IL1RAPL2: variants seen among roughly 807,000 people sequenced by gnomAD.
IL1RAPL2 encodes X-linked interleukin-1 receptor accessory protein-like 2.
In IL1RAPL2, 3 loss-of-function variants were observed where a neutral mutation model predicts 44.1. That is an observed-to-expected ratio of 0.07 (90% confidence interval 0.03 to 0.18). IL1RAPL2 has a LOEUF of 0.18. Ranked by LOEUF, IL1RAPL2 falls within the 10% of genes least tolerant of loss-of-function variation. IL1RAPL2 has a pLI of 1.00. For synonymous variants in IL1RAPL2, 181 were observed against 178.8 expected, an observed-to-expected ratio of 1.01 and a Z score of -0.10; for missense variants, 391 against 496.4, an observed-to-expected ratio of 0.79 and a Z score of 2.02.
chrX:105,083,368 GA>G (rs1232633168), intron 2 of IL1RAPL2, among the ~76,000 whole-genome samples: 1 of 111,684 alleles, frequency 9.0e-6, no homozygotes, highest in Non-Finnish European at 1.9e-5. Flanking sequence ...AACCAAGTTG[GA>G]AAACACTCTT....
At chrX:104,636,916 T>C (rs1252112706) in intron 1 of IL1RAPL2, among the ~76,000 whole-genome samples, 1 of 111,415 alleles carries the variant, frequency 9.0e-6, no homozygotes, top group South Asian at 3.8e-4. Context: ...TGCAGAAATC[T>C]CCCCTCTTCT....
chrX:104,910,450 T>C (rs1440438865), intron 2 of IL1RAPL2, among the ~76,000 whole-genome samples: 1 of 111,999 alleles, frequency 8.9e-6, no homozygotes, highest in Non-Finnish European at 1.9e-5. Context: ...ACACATGGCA[T>C]GGTGGCTTGC....
At chrX:105,536,238 C>T (rs1471338065) in intron 6 of IL1RAPL2, among the ~76,000 whole-genome samples, 1 of 110,387 alleles carries the variant, frequency 9.1e-6, no homozygotes, top group Non-Finnish European at 1.9e-5. Flanking sequence ...GAAAGAATGG[C>T]ATTCTGTACT....
intron 2 of IL1RAPL2, among the ~76,000 whole-genome samples, chrX:105,186,348 G>A (rs2033586796): frequency 8.9e-6 from 1 of 111,955 alleles, no homozygotes; most frequent in African/African-American, 3.2e-5. Flanking sequence ...AAACCAAGAT[G>A]CCATTTGACA....
chrX:104,671,002 C>T (rs1930588502), intron 2 of IL1RAPL2, among the ~76,000 whole-genome samples: 1 of 111,017 alleles, frequency 9.0e-6, no homozygotes, highest in Non-Finnish European at 1.9e-5. Context: ...AGGTAAAATG[C>T]CTTGTAGCAT....
At chrX:104,825,665 T>C (rs1305494295) in intron 2 of IL1RAPL2, among the ~76,000 whole-genome samples, 2 of 112,224 alleles carry the variant, frequency 1.8e-5, no homozygotes, top group African/African-American at 6.5e-5. Context: ...ACATAACTGG[T>C]GAAGTGGAGG....
intron 5 of IL1RAPL2, among the ~76,000 whole-genome samples, chrX:105,300,548 T>C (rs770323555): frequency 9.0e-6 from 1 of 111,258 alleles, no homozygotes; most frequent in South Asian, 3.9e-4. Context: ...TTCAGTATGA[T>C]TTTGGGCAGG....
At chrX:105,098,653 T>C (rs984189406) in intron 2 of IL1RAPL2, among the ~76,000 whole-genome samples, 1 of 112,153 alleles carries the variant, frequency 8.9e-6, no homozygotes, top group African/African-American at 3.2e-5. Context: ...AGCATCAGAC[T>C]GAATACAAGA....
At chrX:104,644,289 T>C (rs1366203545) in intron 1 of IL1RAPL2, among the ~76,000 whole-genome samples, 1 of 111,464 alleles carries the variant, frequency 9.0e-6, no homozygotes, top group Non-Finnish European at 1.9e-5. Context: ...TAACATTCAA[T>C]GCTAAAAAAA....
chrX:105,046,835 TTG>T (rs1569369476), intron 2 of IL1RAPL2, among the ~76,000 whole-genome samples: 1 of 101,506 alleles, frequency 9.9e-6, no homozygotes, highest in Non-Finnish European at 1.9e-5. Flanking sequence ...TTTTTTTTTT[TTG>T]GGGGGGTGCT....
chrX:104,905,783 C>G lies in IL1RAPL2; in HGVS notation c.82+246788C>G, dbSNP rs1260798248. The stretch of plus-strand genomic sequence containing the variant: ...TTTGGCTTAGGATTGACTTGGCGAT[C>G]TGGGCTCTTTTTTGGTTCCCTATGA... On this transcript the variant is annotated intron_variant, in intron 2 of 10. Transcript: ENST00000372582. Among the ~76,000 whole-genome samples, 22 of 110,997 alleles carry G rather than the reference C, an allele frequency of 2.0e-4. No individual in the cohort carries two copies. In the East Asian group the frequency reaches 3.7e-3, roughly 19 times the overall value.
intron 3 of IL1RAPL2, chrX:105,218,929 T>G (rs781991699): frequency 8.7e-7 from 1 of 1,153,519 alleles, no homozygotes; most frequent in Non-Finnish European, 1.2e-6. Flanking sequence ...GCCATCGAGA[T>G]ATACATGCTT....
At chrX:105,050,538 T>C (rs1031350020) in intron 2 of IL1RAPL2, among the ~76,000 whole-genome samples, 3 of 111,830 alleles carry the variant, frequency 2.7e-5, no homozygotes, top group Non-Finnish European at 5.6e-5. Flanking sequence ...CTAAAAGAAG[T>C]CTGCCTTGGA....
chrX:105,445,154 T>G (rs1050464210), intron 5 of IL1RAPL2, among the ~76,000 whole-genome samples: 1 of 111,535 alleles, frequency 9.0e-6, no homozygotes, highest in African/African-American at 3.3e-5. Flanking sequence ...TATCAGATTA[T>G]TCTAGATTTT....
chrX:105,525,923 C>A (rs2036592267), intron 6 of IL1RAPL2, among the ~76,000 whole-genome samples: 1 of 111,753 alleles, frequency 8.9e-6, no homozygotes, highest in Non-Finnish European at 1.9e-5. Flanking sequence ...TAATAACTTT[C>A]TTTCTCTACT....
chrX:105,610,879 A>G (rs1219527987), intron 6 of IL1RAPL2, among the ~76,000 whole-genome samples: 1 of 8,655 alleles, frequency 1.2e-4, no homozygotes, highest in East Asian at 3.5e-3. Flanking sequence ...TACACAAAAA[A>G]CGGTTAATTG....
In IL1RAPL2 at chrX:105,233,902, C is replaced by T. The variant is rs1244852266; in HGVS notation, c.441C>T (p.Arg147=). ...GCCTGTGCTACAACAGCAGGATCCG[C>T]TATTTAGAAAAATCTGAAGTCACTA... ...ESGLCYNSRI[R]YLEKSEVTKR... is the part of the protein sequence containing the mutation. Residue 147 remains arginine, a synonymous_variant, in exon 4 of 11, where the codon CGC becomes CGT. Coordinates refer to ENST00000372582, the MANE Select transcript of IL1RAPL2 (RefSeq NM_017416.2). The T allele has an allele frequency of 1.7e-6, 2 of 1,209,952 alleles. No individual in the cohort carries two copies. The highest frequency in any genetic ancestry group is 3.5e-5 in the South Asian group (2 of 56,921).
intron 5 of IL1RAPL2, among the ~76,000 whole-genome samples, chrX:105,416,277 A>G (rs1372555491): frequency 8.9e-6 from 1 of 111,994 alleles, no homozygotes; most frequent in Non-Finnish European, 1.9e-5. Context: ...ATACATCTCT[A>G]TCTTTTGCTG....
At chrX:105,264,594 G>A (rs933617566) in intron 4 of IL1RAPL2, among the ~76,000 whole-genome samples, 5 of 111,655 alleles carry the variant, frequency 4.5e-5, no homozygotes, top group South Asian at 3.8e-4. Context: ...TGCAAAAGGC[G>A]TATTAGTGGA....
Sources: gnomAD v4.1 joint callset for allele counts (sites outside exome capture counted in the v4.1 genomes callset) on GRCh38, gnomAD v4.1.1 for gene constraint, MANE v1.5 for transcripts, NCBI Gene and HGNC (gene_info 2026-07-23, HGNC 2026-07-21) for gene names.